Variants in PTPRN2 observed in about 807,000 individuals in gnomAD.
PTPRN2 encodes the protein protein tyrosine phosphatase receptor type N2.
PTPRN2 carries 74 observed loss-of-function variants against 118.8 expected under a neutral mutation model. The observed-to-expected ratio is 0.62, with a 90% CI of 0.52 to 0.76. The LOEUF is 0.76. Among genes scored for constraint, PTPRN2 ranks in the 30% least tolerant of loss-of-function variants. The probability of loss-of-function intolerance (pLI) is 0.00; values close to 1 mark genes in which losing one functional copy is unlikely to be tolerated. For missense variants in PTPRN2, 1,481 were observed against 1,394.4 expected, an observed-to-expected ratio of 1.06 and a Z score of -0.99; for synonymous variants, 641 against 608.0, an observed-to-expected ratio of 1.05 and a Z score of -0.80.
chr7:157,758,292 C>T (rs1801924695), intron 12 of PTPRN2, among the ~76,000 whole-genome samples: 1 of 152,242 alleles, frequency 6.6e-6, no homozygotes, highest in African/African-American at 2.4e-5. Context: ...AGGCGCCATT[C>T]CCCGTGGCCT....
chr7:158,580,069 G>A (rs567125703), intron 1 of PTPRN2, among the ~76,000 whole-genome samples: 24 of 152,336 alleles, frequency 1.6e-4, no homozygotes, highest in South Asian at 4.1e-4. Context: ...ACTTGAGGTG[G>A]GAAGTCATCA....
At chr7:157,829,081 G>A (rs974844524) in intron 12 of PTPRN2, among the ~76,000 whole-genome samples, 7 of 152,262 alleles carry the variant, frequency 4.6e-5, no homozygotes, top group African/African-American at 1.7e-4. Context: ...GCCAGCGCGG[G>A]GCGCAGCCGG....
At chr7:157,575,200 C>T (rs1029432534) in intron 19 of PTPRN2, among the ~76,000 whole-genome samples, 1 of 152,154 alleles carries the variant, frequency 6.6e-6, no homozygotes, top group African/African-American at 2.4e-5. Flanking sequence ...GATGAATTGC[C>T]GTCTTTGTAG....
intron 1 of PTPRN2, chr7:158,537,498 A>G (rs1825718349): frequency 6.6e-6 from 1 of 152,272 alleles, no homozygotes; most frequent in Non-Finnish European, 1.5e-5. Context: ...TGCCGTCTCT[A>G]TCCAAGCTCC....
intron 12 of PTPRN2, among the ~76,000 whole-genome samples, chr7:157,755,463 C>CG (rs779481882): frequency 1.7e-3 from 264 of 152,048 alleles, no homozygotes; most frequent in Non-Finnish European, 2.7e-3. Flanking sequence ...TGTGTCTTCA[C>CG]GGGGGGGTTT....
At chr7:158,058,153 C>A (rs1431505164) in intron 11 of PTPRN2, among the ~76,000 whole-genome samples, 2 of 148,812 alleles carry the variant, frequency 1.3e-5, no homozygotes, top group Admixed American at 6.7e-5. Flanking sequence ...CGCATCACTG[C>A]AGCCACACTC....
rs79922893 is a variant in PTPRN2 at position 157,816,819 on chromosome 7, C to A, written c.1788+81854G>T. Among the ~76,000 whole-genome samples the A allele has an allele frequency of 3.5e-3, 526 of 152,340 alleles. 5 individuals are homozygous for A. Among genetic ancestry groups the A allele is most frequent in the African/African-American group, 0.012 (479 of 41,576 alleles). On this transcript the variant is annotated intron_variant, in intron 12 of 22. Transcript: ENST00000389418. ...TGCGGCTCCCTGGCCCCCTCTCTTG[C>A]CCCACATGTGGATTCGCACAGACCC...
intron 2 of PTPRN2, among the ~76,000 whole-genome samples, chr7:158,477,659 T>G (rs1820362725): frequency 1.3e-5 from 2 of 152,136 alleles, no homozygotes; most frequent in Admixed American, 6.5e-5. Context: ...TTAAAGAATG[T>G]GCTGAATTTT....
chr7:158,281,072 G>A (rs928513199), intron 3 of PTPRN2, among the ~76,000 whole-genome samples: 1 of 152,238 alleles, frequency 6.6e-6, no homozygotes, highest in Non-Finnish European at 1.5e-5. Context: ...GGGAGGCCGA[G>A]TCGGGCAGAT....
At chr7:158,276,551 C>G (rs1224205423) in intron 3 of PTPRN2, among the ~76,000 whole-genome samples, 1 of 152,200 alleles carries the variant, frequency 6.6e-6, no homozygotes, top group Non-Finnish European at 1.5e-5. Flanking sequence ...GCAGCACCCC[C>G]ACACCCTGGC....
rs1393067166 is a variant in PTPRN2, at chr7:158,076,843, G to T, written c.1723+4455C>A. 2.0e-5 allele frequency among the ~76,000 whole-genome samples: 3 copies of T among 152,204 alleles called. No homozygotes were observed. The East Asian group carries it at 5.8e-4, about 29-fold the overall frequency. On this transcript the variant is annotated intron_variant, in intron 11 of 22. Transcript: ENST00000389418. Reference sequence around the variant, plus strand: ...AACAGCCCTGGCACCGGGGTTGGGGGGAGCTTCTGGAGGGCAGGGCCACTG... The same window carrying T: ...AACAGCCCTGGCACCGGGGTTGGGGTGAGCTTCTGGAGGGCAGGGCCACTG...
chr7:158,444,010 C>T (rs902141177), intron 2 of PTPRN2, among the ~76,000 whole-genome samples: 3 of 152,326 alleles, frequency 2.0e-5, no homozygotes, highest in Admixed American at 6.5e-5. Context: ...TCCAGCAGCA[C>T]CTTCTCCTCC....
rs1296840427 is a variant in PTPRN2 at position 158,453,247 on chromosome 7, CGTACGGTGCAGGGGGCACCACAGGGTTGG to C, written c.163+36459_163+36487del. Among the ~76,000 whole-genome samples the C allele has an allele frequency of 3.3e-4, 27 of 81,568 alleles. 2 individuals carry two copies. Among genetic ancestry groups the C allele is most frequent in the South Asian group, 7.9e-4 (2 of 2,516 alleles). 53.5% of individuals were successfully genotyped at this position (81,568 alleles called of 152,430 possible). On this transcript the variant is annotated intron_variant, in intron 2 of 22. Coordinates refer to ENST00000389418, the MANE Select transcript of PTPRN2 (RefSeq NM_002847.5). ...GGAATTGAAAGAGGACAGTCCTCAC[CGTACGGTGCAGGGGGCACCACAGGGTTGG>C]CTAACACAGCCTGGACGTAGGGGAA...
At position 157,881,476 on chromosome 7, in the gene PTPRN2, G is replaced by C. The variant is rs2151286861; in HGVS notation, c.1788+17197C>G. ...CCTTGATCTTGGACTTCAGCCACCAGGATTGTGAGCAATAAAGGTTTGTGA... is the reference window on the plus strand; with the variant it reads ...CCTTGATCTTGGACTTCAGCCACCACGATTGTGAGCAATAAAGGTTTGTGA... On this transcript the variant is annotated intron_variant, in intron 12 of 22. Coordinates refer to ENST00000389418, the MANE Select transcript of PTPRN2 (RefSeq NM_002847.5). The surrounding 1 kb of genome is among the most constrained non-coding windows in gnomAD (Gnocchi z 4.7). 6.6e-6 allele frequency among the ~76,000 whole-genome samples: 1 copy of C among 152,192 alleles called. No individual in the cohort carries two copies. Among genetic ancestry groups the C allele is most frequent in the Middle Eastern group, 3.4e-3 (1 of 294 alleles).
intron 12 of PTPRN2, among the ~76,000 whole-genome samples, chr7:157,737,855 G>A (rs1004110891): frequency 6.6e-6 from 1 of 152,222 alleles, no homozygotes; most frequent in Non-Finnish European, 1.5e-5. Flanking sequence ...TACCACCCCC[G>A]ATGCGGGGAG....
chr7:158,219,596 C>CA (rs373724581), intron 3 of PTPRN2, among the ~76,000 whole-genome samples: 2 of 151,640 alleles, frequency 1.3e-5, no homozygotes, highest in African/African-American at 4.8e-5. Context: ...AATTGGGACA[C>CA]AAAAACACAA....
chr7:158,016,064 A>G (rs1036302999), intron 11 of PTPRN2, among the ~76,000 whole-genome samples: 2 of 152,300 alleles, frequency 1.3e-5, no homozygotes, highest in Non-Finnish European at 2.9e-5. Flanking sequence ...TTCCTCGTTC[A>G]GGGAATAAGA....
intron 12 of PTPRN2, among the ~76,000 whole-genome samples, chr7:157,799,577 G>A (rs554501440): frequency 3.9e-5 from 6 of 152,150 alleles, no homozygotes; most frequent in East Asian, 1.9e-4. Flanking sequence ...CTGCCCCTCC[G>A]ACTGGCCCAG....
At chr7:158,276,536 G>A (rs1470157509) in intron 3 of PTPRN2, among the ~76,000 whole-genome samples, 1 of 151,950 alleles carries the variant, frequency 6.6e-6, no homozygotes, top group Non-Finnish European at 1.5e-5. Context: ...CCGACAGGCT[G>A]TAAGGCAGCA....
Sources: gnomAD v4.1 joint callset for allele counts (sites outside exome capture counted in the v4.1 genomes callset) on GRCh38, gnomAD v4.1.1 for gene constraint, Gnocchi (gnomAD v3.1) non-coding constraint, MANE v1.5 for transcripts, NCBI Gene and HGNC (gene_info 2026-07-23, HGNC 2026-07-21) for gene names.